Variants in SH3RF3 observed in about 807,000 individuals in gnomAD.
SH3RF3 encodes the protein SH3 domain containing ring finger 3, also known as E3 ubiquitin-protein ligase SH3RF3.
Under a neutral mutation model 66.3 loss-of-function variants are expected in SH3RF3, and 29 were observed. That is an observed-to-expected ratio of 0.44 (90% CI 0.33 to 0.60). The LOEUF is 0.60. Among genes scored for constraint, SH3RF3 ranks in the 20% least tolerant of loss-of-function variants. The probability of loss-of-function intolerance (pLI) is 0.04; values close to 1 mark genes in which losing one functional copy is unlikely to be tolerated. For synonymous variants in SH3RF3, 583 were observed against 532.0 expected (o/e 1.10, Z -1.32); for missense variants, 1,194 against 1,190.9 (o/e 1.00, Z -0.04).
intron 1 of SH3RF3, among the ~76,000 whole-genome samples, chr2:109,278,818 G>A (rs568809504): frequency 6.6e-6 from 1 of 152,300 alleles, no homozygotes; most frequent in South Asian, 2.1e-4. Flanking sequence ...TATTGCATCG[G>A]CCAAGGCAAA....
chr2:109,215,491 G>A (rs1048854926), intron 1 of SH3RF3, among the ~76,000 whole-genome samples: 2 of 152,012 alleles, frequency 1.3e-5, no homozygotes, highest in Non-Finnish European at 2.9e-5. Flanking sequence ...AGGTAGCCGG[G>A]CCCTGATTTC....
intron 1 of SH3RF3, among the ~76,000 whole-genome samples, chr2:109,223,010 A>G (rs983145726): frequency 6.6e-6 from 1 of 152,208 alleles, no homozygotes; most frequent in Non-Finnish European, 1.5e-5. Context: ...CAGGGTGAAG[A>G]GGGCACTGTC....
chr2:109,196,248 T>G (rs4378834), intron 1 of SH3RF3, among the ~76,000 whole-genome samples: 40,071 of 152,082 alleles, frequency 0.26, 5,651 homozygotes, highest in East Asian at 0.47. Context: ...CTGCCCACCC[T>G]CCTGCATCCG....
rs77494393 is a variant in SH3RF3 at position 109,482,103 on chromosome 2, C to T, written c.2149-8502C>T. On this transcript the variant is annotated intron_variant, in intron 8 of 9. Transcript: ENST00000309415. Reference sequence around the variant, plus strand: ...CAGTTAAAATTTGGCCTCAGCAAGTCCCGGGTTCGAATGCGGCTTGTGCAG... The same window carrying T: ...CAGTTAAAATTTGGCCTCAGCAAGTTCCGGGTTCGAATGCGGCTTGTGCAG... Among the ~76,000 whole-genome samples the T allele has an allele frequency of 3.3e-3, 499 of 152,208 alleles. 16 individuals are homozygous for T. In the East Asian group the frequency reaches 0.061, roughly 19 times the overall value.
At chr2:109,482,689 G>T (rs1678865656) in intron 8 of SH3RF3, among the ~76,000 whole-genome samples, 1 of 152,186 alleles carries the variant, frequency 6.6e-6, no homozygotes, top group Non-Finnish European at 1.5e-5. Context: ...CCAAGAACAA[G>T]GATGCCCTCA....
chr2:109,504,118 T>G lies in SH3RF3; in HGVS notation c.*2447T>G, dbSNP rs1382801481. ...CCTGCAGCCTTCATGATGATGTAGC[T>G]CGCAGAGAAGAGCAGGAGCAGAATT... is the stretch of plus-strand genomic sequence containing the variant. On this transcript the variant is annotated 3_prime_UTR_variant, in exon 10 of 10. Transcript: ENST00000309415. 2 of 152,238 alleles carry G rather than the reference T, an allele frequency of 1.3e-5. No individual in the cohort carries two copies. The highest frequency in any genetic ancestry group is 4.8e-5 in the African/African-American group (2 of 41,464). The allele number at this position is 152,238 out of a possible 1,614,324, so 9.4% of individuals were successfully genotyped here. A position where few individuals can be genotyped will look rare whatever the true frequency, so the allele number is the denominator to read the frequency against.
intron 3 of SH3RF3, among the ~76,000 whole-genome samples, chr2:109,375,066 C>T (rs1390449487): frequency 2.0e-5 from 3 of 152,334 alleles, no homozygotes; most frequent in African/African-American, 7.2e-5. Context: ...CCTGGACATA[C>T]GTACATTTCC....
intron 1 of SH3RF3, among the ~76,000 whole-genome samples, chr2:109,266,617 C>A (rs757239485): frequency 2.0e-5 from 3 of 151,978 alleles, no homozygotes; most frequent in Non-Finnish European, 4.4e-5. Flanking sequence ...CAGAGCAGGG[C>A]TCCCCTCAGG....
rs551213296 is a variant in SH3RF3, at chr2:109,197,257, C to T, written c.573+67144C>T. Among the ~76,000 whole-genome samples, 8 of 152,200 alleles carry T rather than the reference C, an allele frequency of 5.3e-5. No individual in the cohort carries two copies. The East Asian group carries it at 7.8e-4, about 15-fold the overall frequency. On this transcript the variant is annotated intron_variant, in intron 1 of 9. Coordinates refer to ENST00000309415, the MANE Select transcript of SH3RF3 (RefSeq NM_001099289.3). Reference sequence around the variant, plus strand: ...AGGTCAGGGGGCTGCCAGGGTAATTCGTTGGTCGTTAGGGATGCTGGGATG... The same window carrying T: ...AGGTCAGGGGGCTGCCAGGGTAATTTGTTGGTCGTTAGGGATGCTGGGATG...
intron 1 of SH3RF3, among the ~76,000 whole-genome samples, chr2:109,266,107 T>C (rs994789686): frequency 6.6e-6 from 1 of 150,650 alleles, no homozygotes; most frequent in Non-Finnish European, 1.5e-5. Flanking sequence ...CATGTGTGTG[T>C]TGTGTGTATG....
At chr2:109,428,100 T>G (rs1419673250) in intron 5 of SH3RF3, among the ~76,000 whole-genome samples, 1 of 152,178 alleles carries the variant, frequency 6.6e-6, no homozygotes, top group African/African-American at 2.4e-5. Context: ...GAGTGGGTGC[T>G]GCACCTAGAT....
intron 1 of SH3RF3, among the ~76,000 whole-genome samples, chr2:109,339,732 A>G (rs938326846): frequency 1.3e-5 from 2 of 152,210 alleles, no homozygotes; most frequent in African/African-American, 4.8e-5. Context: ...GCCTGGGAAC[A>G]CTGCAAATAC....
chr2:109,462,275 T>C lies in SH3RF3; in HGVS notation c.2148+12786T>C, dbSNP rs574193611. 2.6e-5 allele frequency among the ~76,000 whole-genome samples: 4 copies of C among 151,718 alleles called. No homozygotes were observed. The South Asian group carries it at 8.4e-4, about 32-fold the overall frequency. On this transcript the variant is annotated intron_variant, in intron 8 of 9. Transcript: ENST00000309415. ...TGGAGAATTGATCTACCCCTGAGTT[T>C]CATTGCTGGCCTTGCCTGCTGAAAG...
chr2:109,305,331 C>T (rs1681565412), intron 1 of SH3RF3, among the ~76,000 whole-genome samples: 1 of 152,104 alleles, frequency 6.6e-6, no homozygotes, highest in Non-Finnish European at 1.5e-5. Flanking sequence ...TGAAGCGCCT[C>T]TTCTGTGGTT....
At chr2:109,236,835 A>G (rs1679661232) in intron 1 of SH3RF3, among the ~76,000 whole-genome samples, 1 of 152,236 alleles carries the variant, frequency 6.6e-6, no homozygotes, top group Non-Finnish European at 1.5e-5. Context: ...TCAGAGATCA[A>G]AATTGCAGGT....
intron 1 of SH3RF3, among the ~76,000 whole-genome samples, chr2:109,335,144 G>A (rs138938450): frequency 1.8e-4 from 27 of 152,322 alleles, no homozygotes; most frequent in African/African-American, 6.0e-4. Context: ...TCGTCAGGAC[G>A]TTTTGCAGCA....
chr2:109,476,017 A>G (rs1678673279), intron 8 of SH3RF3, among the ~76,000 whole-genome samples: 1 of 152,222 alleles, frequency 6.6e-6, no homozygotes, highest in Non-Finnish European at 1.5e-5. Flanking sequence ...CCTGCTGATG[A>G]GTAAGTCCTG....
At chr2:109,355,245 T>C (rs1682925385) in intron 2 of SH3RF3, among the ~76,000 whole-genome samples, 1 of 152,186 alleles carries the variant, frequency 6.6e-6, no homozygotes, top group Non-Finnish European at 1.5e-5. Flanking sequence ...GAAAGAGAAA[T>C]TATGTTGTGG....
At chr2:109,484,914 C>T (rs751173440) in intron 8 of SH3RF3, among the ~76,000 whole-genome samples, 1 of 152,220 alleles carries the variant, frequency 6.6e-6, no homozygotes, top group Admixed American at 6.5e-5. Flanking sequence ...TCTCAGGTCA[C>T]AAAAACATCT....
Sources: allele counts gnomAD v4.1 joint callset (sites outside exome capture counted in the v4.1 genomes callset), GRCh38; gene constraint gnomAD v4.1.1; transcripts MANE v1.5; gene names NCBI Gene and HGNC (gene_info 2026-07-23, HGNC 2026-07-21).